Variants in FANCI observed in about 807,000 individuals in gnomAD.
FANCI encodes the protein FA complementation group I, also known as Fanconi anemia group I protein.
FANCI carries 156 observed loss-of-function variants against 176.1 expected under a neutral mutation model. The ratio of observed to expected loss-of-function variants is 0.89; its 90% CI spans 0.78 to 1.01. FANCI has a LOEUF of 1.01. FANCI is among the 50% of genes least tolerant of loss of function. The pLI, the probability that FANCI is intolerant of heterozygous loss-of-function variation, is 0.00. For synonymous variants in FANCI, 613 were observed against 541.7 expected, an observed-to-expected ratio of 1.13 and a Z score of -1.83; for missense variants, 1,678 against 1,534.1, an observed-to-expected ratio of 1.09 and a Z score of -1.57.
Position 89,316,540 on chromosome 15 carries a change from G to C in FANCI, c.*81G>C. The C allele has an allele frequency of 1.4e-6, 2 of 1,398,846 alleles. No individual in the cohort carries two copies. The highest frequency in any genetic ancestry group is 1.4e-5 in the African/African-American group (1 of 70,130). The allele number at this position is 1,398,846 out of a possible 1,614,324, so 86.7% of individuals were successfully genotyped here. ...AAGCAACAATGCCCCTTGTCCTGTA[G>C]TCCACACCGATGTTGGCATCTTGGT... On this transcript the variant is annotated 3_prime_UTR_variant, in exon 38 of 38. Coordinates refer to ENST00000310775, the MANE Select transcript of FANCI (RefSeq NM_001113378.2).
chr15:89,293,766 C>A (rs1596306056), intron 22 of FANCI, 67 bp from the exon 23 acceptor site: 5 of 1,393,672 alleles, frequency 3.6e-6, no homozygotes, highest in East Asian at 4.6e-5. Context: ...TGATTATTAT[C>A]ATATGTAAAA....
chr15:89,249,020 A>G (rs1028691629), intron 2 of FANCI, among the ~76,000 whole-genome samples: 3 of 152,194 alleles, frequency 2.0e-5, no homozygotes, highest in Non-Finnish European at 4.4e-5. Context: ...AAAAACAACT[A>G]CCAAAACAAC....
chr15:89,301,453 C>A lies in FANCI; in HGVS notation c.3006+11C>A. ...CCCTCCTCTCCTCAGGTACTAGTAC[C>A]GCTAACTTAATCCCATTTAGCATTC... On this transcript the variant is annotated intron_variant, in intron 27 of 37. Coordinates refer to ENST00000310775, the MANE Select transcript of FANCI (RefSeq NM_001113378.2). 2 of 1,561,376 alleles carry A rather than the reference C, an allele frequency of 1.3e-6. No homozygotes were observed. The highest frequency in any genetic ancestry group is 1.8e-6 in the Non-Finnish European group (2 of 1,131,772).
chr15:89,253,658 A>G (rs1300917380), intron 2 of FANCI, among the ~76,000 whole-genome samples: 2 of 152,146 alleles, frequency 1.3e-5, no homozygotes, highest in Non-Finnish European at 2.9e-5. Context: ...TTGTCTACAT[A>G]TAAGTTAAAA....
chr15:89,274,355 A>T (rs957223123), intron 12 of FANCI, 51 bp downstream of exon 12: 23 of 1,603,762 alleles, frequency 1.4e-5, no homozygotes, highest in Non-Finnish European at 1.8e-5. Context: ...TTAATGTTAG[A>T]AAATGCAATG....
Position 89,261,611 on chromosome 15 carries a change from G to A in FANCI, c.315G>A (p.Leu105=), listed in dbSNP as rs768801947. 21 of 1,613,968 alleles carry A rather than the reference G, an allele frequency of 1.3e-5. No individual in the cohort carries two copies. The African/African-American group carries it at 2.3e-4, about 17-fold the overall frequency. ...CTCACCATTTTCCAGGACCATTATT[G>A]GTTGAATTAGCCAATGAGTTTATTA... ...LEAHHFPGPL[L]VELANEFISA... Residue 105 remains leucine, a synonymous_variant, in exon 5 of 38, where the codon TTG becomes TTA. Transcript: ENST00000310775.
intron 2 of FANCI, among the ~76,000 whole-genome samples, chr15:89,248,345 G>A (rs2052082763): frequency 6.6e-6 from 1 of 152,116 alleles, no homozygotes; most frequent in Non-Finnish European, 1.5e-5. Flanking sequence ...CAAGGTATAT[G>A]TACAAACAAG....
At chr15:89,304,750 G>A (rs936752404) in intron 28 of FANCI, among the ~76,000 whole-genome samples, 40 of 151,734 alleles carry the variant, frequency 2.6e-4, no homozygotes, top group Non-Finnish European at 1.5e-5. Flanking sequence ...ACACATACCT[G>A]AGGGACCTGA....
chr15:89,290,486 G>A, intron 19 of FANCI: 1 of 570,354 alleles, frequency 1.8e-6, no homozygotes, highest in Non-Finnish European at 3.2e-6. Context: ...TCATCTAGCA[G>A]TTATCCTTGT....
chr15:89,278,849 G>A, intron 14 of FANCI, 75 bp downstream of exon 14: 1 of 1,267,570 alleles, frequency 7.9e-7, no homozygotes. Flanking sequence ...TTGGTCCTGG[G>A]AAAAAAATTT....
chr15:89,247,491 C>T, intron 1 of FANCI, 138 bp from the exon 2 acceptor site: 1 of 672,190 alleles, frequency 1.5e-6, no homozygotes, highest in Non-Finnish European at 2.7e-6. Context: ...AAAGAATCAG[C>T]TACTTAAAGA....
chr15:89,313,900 TACACACACACAC>T (rs34352725), intron 35 of FANCI, among the ~76,000 whole-genome samples: 11 of 142,644 alleles, frequency 7.7e-5, no homozygotes, highest in Non-Finnish European at 1.4e-4. Context: ...GGGTTAAAAA[TACACACACACAC>T]ACACACACAC....
intron 10 of FANCI, among the ~76,000 whole-genome samples, chr15:89,269,295 A>G (rs953776592): frequency 1.3e-5 from 2 of 152,200 alleles, no homozygotes; most frequent in Non-Finnish European, 2.9e-5. Context: ...CATTATCACA[A>G]TACCATCATC....
At chr15:89,314,478 G>GAA in intron 35 of FANCI, 134 bp from the exon 36 acceptor site, 1 of 618,506 alleles carries the variant, frequency 1.6e-6, no homozygotes, top group Non-Finnish European at 2.7e-6. Flanking sequence ...TAGATTACTG[G>GAA]TATACAACTG....
At position 89,315,322 on chromosome 15, in the gene FANCI, A is replaced by C; in HGVS notation, c.3857A>C (p.Asp1286Ala). 6.2e-7 allele frequency: 1 copy of C among 1,614,050 alleles called. No homozygotes were observed. Among genetic ancestry groups the C allele is most frequent in the Non-Finnish European group, 8.5e-7 (1 of 1,179,894 alleles). The change falls in exon 37 of 38, where the codon GAC (aspartate) becomes GCC (alanine). Residue 1286 changes from aspartate (D) to alanine (A), a missense_variant. Asp to Ala is a moderately radical substitution (Grantham distance 126, BLOSUM62 -2). Transcript: ENST00000310775. ...MQHMKLSTSR[D>A]FKIKGNILDM... ...CACATGAAGCTCAGCACCTCACGAG[A>C]CTTCAAGATCAAAGGAAACATCCTA... is the stretch of plus-strand genomic sequence containing the variant.
Position 89,291,832 on chromosome 15 carries a change from C to G in FANCI, c.1992+118C>G, listed in dbSNP as rs1011649743. ...TCCTGGTTCTTCCAATGAATGTTTA[C>G]TTTTAAGTCTTCCCTGCTTATCATT... On this transcript the variant is annotated intron_variant, in intron 20 of 37. Coordinates refer to ENST00000310775, the MANE Select transcript of FANCI (RefSeq NM_001113378.2). The G allele has an allele frequency of 5.0e-6, 4 of 807,372 alleles. No homozygotes were observed. In the African/African-American group the frequency reaches 6.8e-5, roughly 14 times the overall value. The allele number at this position is 807,372 out of a possible 1,614,324, so 50.0% of individuals were successfully genotyped here.
chr15:89,305,812 C>G, intron 31 of FANCI, 114 bp downstream of exon 31: 2 of 1,222,334 alleles, frequency 1.6e-6, no homozygotes, highest in Non-Finnish European at 2.4e-6. Flanking sequence ...TGCCTTTAAG[C>G]TAGATTTTTT....
At position 89,276,854 on chromosome 15, in the gene FANCI, G is replaced by A; in HGVS notation, c.1256G>A (p.Cys419Tyr). The A allele has an allele frequency of 6.2e-7, 1 of 1,614,190 alleles. No homozygotes were observed. The highest frequency in any genetic ancestry group is 1.3e-5 in the African/African-American group (1 of 75,062). The change falls in exon 13 of 38, where the codon TGT becomes TAT. Residue 419 changes from cysteine to tyrosine, a missense_variant. This residue lies in a region of FANCI where 1,204 missense variants were observed against 1,077.4 expected (regional missense o/e 1.12). Coordinates refer to ENST00000310775, the MANE Select transcript of FANCI (RefSeq NM_001113378.2). ...SLSRMPNQHA[C>Y]KLGANILLET... ...TCTAGAATGCCAAACCAGCATGCATGTAAGCTCGGAGCTAATATCCTGTTG... is the reference window on the plus strand; with the variant it reads ...TCTAGAATGCCAAACCAGCATGCATATAAGCTCGGAGCTAATATCCTGTTG...
intron 36 of FANCI, 152 bp from the exon 37 acceptor site, chr15:89,315,130 T>C (rs767776852): frequency 8.8e-6 from 6 of 682,362 alleles, no homozygotes; most frequent in Non-Finnish European, 1.6e-5. Flanking sequence ...CTTGATCTGA[T>C]GACCTGAACC....
Sources: allele counts gnomAD v4.1 joint callset (sites outside exome capture counted in the v4.1 genomes callset), GRCh38; gene constraint gnomAD v4.1.1; regional missense constraint gnomAD v4.1.1; transcripts MANE v1.5; gene names NCBI Gene and HGNC (gene_info 2026-07-23, HGNC 2026-07-21).